The following BIRC6 variants were observed in gnomAD, a reference collection of about 807,000 sequenced individuals.
The protein encoded by BIRC6 is dual E2 ubiquitin-conjugating enzyme/E3 ubiquitin-protein ligase BIRC6.
BIRC6 carries 98 observed loss-of-function variants against 503.3 expected under a neutral mutation model. The observed-to-expected ratio is 0.19, with a 90% CI of 0.17 to 0.23. The LOEUF (loss-of-function observed/expected upper bound fraction) is 0.23. Among genes scored for constraint, BIRC6 ranks in the 10% least tolerant of loss-of-function variants. The pLI is 1.00. For synonymous variants in BIRC6, 2,240 were observed against 2,078.7 expected (o/e 1.08, Z -2.11); for missense variants, 5,360 against 5,806.0 (o/e 0.92, Z 2.50).
At position 32,439,709 on chromosome 2, in the gene BIRC6, A is replaced by G. The variant is rs903086084; in HGVS notation, c.3810+23A>G. 6 of 1,598,918 alleles carry G rather than the reference A, an allele frequency of 3.8e-6. No individual in the cohort carries two copies. In the Admixed American group the frequency reaches 1.0e-4, roughly 27 times the overall value. On this transcript the variant is annotated intron_variant, in intron 16 of 73. Coordinates refer to ENST00000421745, the MANE Select transcript of BIRC6 (RefSeq NM_016252.4). ...AAGGTATGAAACTGTCATTTTGAAC[A>G]ATAACAATACAGTTTTAAACATTGT...
At chr2:32,487,557 A>G in intron 40 of BIRC6, 90 bp from the exon 41 acceptor site, 1 of 1,187,708 alleles carries the variant, frequency 8.4e-7, no homozygotes, top group Non-Finnish European at 1.2e-6. Flanking sequence ...AATTTTTAAA[A>G]ACAATTTAAC....
rs61757641 is a variant in BIRC6 at position 32,468,719 on chromosome 2, G to T, written c.6063G>T (p.Glu2021Asp). The change falls in exon 29 of 74, where the codon GAG becomes GAT. Residue 2021 changes from glutamate (E) to aspartate (D), a missense_variant. Glu to Asp is a conservative substitution (Grantham distance 45, BLOSUM62 2). This residue lies in a region of BIRC6 where 2,299 missense variants were observed against 2,267.2 expected (regional missense o/e 1.01). Coordinates refer to ENST00000421745, the MANE Select transcript of BIRC6 (RefSeq NM_016252.4). ...PEDLIQTSST[E>D]QLRTIIRYLL... ...ATTTAATTCAGACATCTTCCACAGAGCAGTTACGTACTATCATCAGATATT... is the reference window on the plus strand; with the variant it reads ...ATTTAATTCAGACATCTTCCACAGATCAGTTACGTACTATCATCAGATATT... 2 of 1,613,752 alleles carry T rather than the reference G, an allele frequency of 1.2e-6. No individual in the cohort carries two copies. Among genetic ancestry groups the T allele is most frequent in the African/African-American group, 2.7e-5 (2 of 74,928 alleles).
intron 50 of BIRC6, among the ~76,000 whole-genome samples, chr2:32,506,238 T>G (rs1412070935): frequency 6.6e-6 from 1 of 152,236 alleles, no homozygotes; most frequent in Admixed American, 6.5e-5. Flanking sequence ...TTACATTTAT[T>G]GATTGATTCT....
At chr2:32,481,772 A>G (rs2050429616) in intron 38 of BIRC6, among the ~76,000 whole-genome samples, 1 of 152,000 alleles carries the variant, frequency 6.6e-6, no homozygotes, top group African/African-American at 2.4e-5. Context: ...TCTCAAAAAA[A>G]AAGAAAAAAA....
At chr2:32,402,436 T>C (rs755542575) in intron 8 of BIRC6, among the ~76,000 whole-genome samples, 2 of 152,240 alleles carry the variant, frequency 1.3e-5, no homozygotes, top group Non-Finnish European at 2.9e-5. Context: ...TGACATGTGA[T>C]GGGTGTTACT....
Position 32,510,581 on chromosome 2 carries a change from G to C in BIRC6, c.10293G>C (p.Thr3431=), listed in dbSNP as rs144073331. Residue 3431 remains threonine, a synonymous_variant, in exon 53 of 74, where the codon ACG becomes ACC. Transcript: ENST00000421745. ...TAAATGGACTCTCTTCTGACTCTAC[G>C]ATAGATATTCTTTACCAGCTTGGAA... is the stretch of plus-strand genomic sequence containing the variant. The part of the protein sequence containing the change: ...GRLNGLSSDS[T]IDILYQLGTT... The C allele has an allele frequency of 6.2e-7, 1 of 1,610,174 alleles. No homozygotes were observed. The highest frequency in any genetic ancestry group is 1.7e-5 in the Admixed American group (1 of 60,004).
chr2:32,576,639 A>G (rs1247979554), intron 66 of BIRC6, among the ~76,000 whole-genome samples: 1 of 127,132 alleles, frequency 7.9e-6, no homozygotes, highest in Non-Finnish European at 1.8e-5. Context: ...AAAAGATCAT[A>G]GAGAATTGGT....
At chr2:32,458,530 G>A (rs1256636688) in intron 23 of BIRC6, among the ~76,000 whole-genome samples, 1 of 150,826 alleles carries the variant, frequency 6.6e-6, no homozygotes, top group East Asian at 1.9e-4. Context: ...TTTTATACTT[G>A]TTCTATCTTC....
chr2:32,431,181 C>CTTTATTTTTT (rs2044060115), intron 12 of BIRC6, 91 bp downstream of exon 12: 1 of 65,364 alleles, frequency 1.5e-5, no homozygotes, highest in Non-Finnish European at 2.8e-5. Context: ...TACTGTTTAT[C>CTTTATTTTTT]TTTTTTTTTT....
In BIRC6 at chr2:32,484,379, C is replaced by T. The variant is rs376215860; in HGVS notation, c.7697-1264C>T. Among the ~76,000 whole-genome samples the T allele has an allele frequency of 3.3e-5, 5 of 151,966 alleles. No individual in the cohort carries two copies. The East Asian group carries it at 9.7e-4, about 29-fold the overall frequency. On this transcript the variant is annotated intron_variant, in intron 39 of 73. Coordinates refer to ENST00000421745, the MANE Select transcript of BIRC6 (RefSeq NM_016252.4). ...CCAGCCTGGCCAACATGGTGAAACC[C>T]CATCTCTACTACAAATATAAAAAAA...
intron 50 of BIRC6, among the ~76,000 whole-genome samples, chr2:32,506,304 G>C (rs2053787172): frequency 6.6e-6 from 1 of 152,156 alleles, no homozygotes; most frequent in South Asian, 2.1e-4. Flanking sequence ...AAATGTTGTA[G>C]ATTCCTGGCA....
At chr2:32,567,322 A>G (rs1258733358) in intron 65 of BIRC6, among the ~76,000 whole-genome samples, 1 of 152,216 alleles carries the variant, frequency 6.6e-6, no homozygotes, top group African/African-American at 2.4e-5. Flanking sequence ...GGGAATCCCC[A>G]TATCCACATA....
chr2:32,506,074 C>G (rs1038760490), intron 50 of BIRC6, among the ~76,000 whole-genome samples: 2 of 152,006 alleles, frequency 1.3e-5, no homozygotes, highest in Non-Finnish European at 2.9e-5. Context: ...CTTTCAAACT[C>G]CTGGGCTCAT....
chr2:32,583,662 A>G (rs891467614), intron 66 of BIRC6, among the ~76,000 whole-genome samples: 8 of 152,204 alleles, frequency 5.3e-5, no homozygotes, highest in African/African-American at 1.9e-4. Context: ...TATATGTGAC[A>G]TTTGGTACAT....
chr2:32,600,389 A>G (rs935954343), intron 70 of BIRC6, among the ~76,000 whole-genome samples: 7 of 152,224 alleles, frequency 4.6e-5, no homozygotes, highest in South Asian at 2.1e-4. Context: ...TGAGTATTCA[A>G]TGTTTTAAAA....
At chr2:32,436,696 C>A (rs1464044872) in intron 15 of BIRC6, among the ~76,000 whole-genome samples, 2 of 151,982 alleles carry the variant, frequency 1.3e-5, no homozygotes, top group Admixed American at 1.3e-4. Context: ...TCTCTTGCCT[C>A]AGCCTCCCAA....
Position 32,549,494 on chromosome 2 carries a change from T to C in BIRC6, c.13144+13T>C. ...CGAAATGATTCAGGTAAATAATCCCTGTAAATGTGTCTGTGGATGAATAAT... is the reference window on the plus strand; with the variant it reads ...CGAAATGATTCAGGTAAATAATCCCCGTAAATGTGTCTGTGGATGAATAAT... On this transcript the variant is annotated intron_variant, in intron 65 of 73. Transcript: ENST00000421745. The C allele has an allele frequency of 7.2e-7, 1 of 1,395,794 alleles. No individual in the cohort carries two copies. Among genetic ancestry groups the C allele is most frequent in the Non-Finnish European group, 9.5e-7 (1 of 1,052,802 alleles). The allele number at this position is 1,395,794 out of a possible 1,614,324, so 86.5% of individuals were successfully genotyped here.
In BIRC6 at chr2:32,607,656, A is replaced by C; in HGVS notation, c.14259+13A>C. On this transcript the variant is annotated intron_variant, in intron 72 of 73. Transcript: ENST00000421745. ...ATGTTTTAAAGAGGTATGTTCAATA[A>C]AATTAGTGAAATACTTTGTTAAAGA... 2 of 1,582,630 alleles carry C rather than the reference A, an allele frequency of 1.3e-6. No homozygotes were observed. The highest frequency in any genetic ancestry group is 1.7e-6 in the Non-Finnish European group (2 of 1,160,182).
In BIRC6 at chr2:32,415,714, A is replaced by G. The variant is rs144578684; in HGVS notation, c.2423A>G (p.Gln808Arg). Residue 808 changes from glutamine (Q) to arginine (R), a missense_variant, in exon 10 of 74, where the codon CAG (glutamine) becomes CGG (arginine). Physicochemically the swap from Gln to Arg is conservative, Grantham distance 43. Around this residue, in one of 16 missense-constraint regions of BIRC6, gnomAD observed 700 missense variants for 739.3 expected, o/e 0.95. Coordinates refer to ENST00000421745, the MANE Select transcript of BIRC6 (RefSeq NM_016252.4). Reference protein sequence around the residue: ...VIQHESPADVQTPLIIQPEQR... With the variant: ...VIQHESPADVRTPLIIQPEQR... ...CAACATGAATCACCAGCAGATGTAC[A>G]GACTCCTTTAATAATTCAGCCTGAG... 6.9e-4 allele frequency: 1,112 copies of G among 1,613,906 alleles called. 6 individuals carry two copies. The Middle Eastern group carries it at 0.013, about 18-fold the overall frequency.
Sources: allele counts gnomAD v4.1 joint callset (sites outside exome capture counted in the v4.1 genomes callset), GRCh38; gene constraint gnomAD v4.1.1; regional missense constraint gnomAD v4.1.1; transcripts MANE v1.5; gene names NCBI Gene and HGNC (gene_info 2026-07-23, HGNC 2026-07-21).